The following XPNPEP3 variants were observed in gnomAD, a reference collection of about 807,000 sequenced individuals.
XPNPEP3 encodes xaa-Pro aminopeptidase 3.
Under a neutral mutation model 60.0 loss-of-function variants are expected in XPNPEP3, and 41 were observed. The ratio of observed to expected loss-of-function variants is 0.68; its 90% CI spans 0.53 to 0.89. The LOEUF (loss-of-function observed/expected upper bound fraction) is 0.89, where lower values mean the gene tolerates loss of function less well. Ranked by LOEUF, XPNPEP3 falls within the 40% of genes least tolerant of loss-of-function variation. The pLI is 0.00. For synonymous variants in XPNPEP3, 212 were observed against 223.2 expected (o/e 0.95, Z 0.45); for missense variants, 598 against 638.9 (o/e 0.94, Z 0.69).
chr22:40,882,498 A>G (rs903791490), intron 3 of XPNPEP3, among the ~76,000 whole-genome samples: 5 of 152,130 alleles, frequency 3.3e-5, no homozygotes, highest in Non-Finnish European at 7.4e-5. Context: ...TTAGCCAGGC[A>G]TGGTCGCAGG....
intron 2 of XPNPEP3, among the ~76,000 whole-genome samples, chr22:40,870,800 C>T (rs557326121): frequency 6.6e-6 from 1 of 152,212 alleles, no homozygotes; most frequent in East Asian, 1.9e-4. Context: ...GGGTGGATCA[C>T]CTGAGGCCAG....
At chr22:40,881,050 A>C (rs1262706947) in intron 2 of XPNPEP3, among the ~76,000 whole-genome samples, 1 of 151,868 alleles carries the variant, frequency 6.6e-6, no homozygotes, top group Non-Finnish European at 1.5e-5. Context: ...TATATACTTT[A>C]TTATTATTAT....
intron 2 of XPNPEP3, among the ~76,000 whole-genome samples, chr22:40,878,330 T>C (rs1181503948): frequency 1.3e-5 from 2 of 152,130 alleles, no homozygotes; most frequent in Non-Finnish European, 2.9e-5. Flanking sequence ...TGGGAAAATA[T>C]AGCCAGTGTT....
intron 5 of XPNPEP3, among the ~76,000 whole-genome samples, chr22:40,908,262 G>T (rs538019758): frequency 6.6e-6 from 1 of 151,622 alleles, no homozygotes; most frequent in East Asian, 1.9e-4. Context: ...GCACATGCCT[G>T]TAATTCCATT....
rs761542482 is a variant in XPNPEP3, at chr22:40,922,721, TACACAC to T, written c.1236+228_1236+233del. Among the ~76,000 whole-genome samples, 7 of 145,388 alleles carry T rather than the reference TACACAC, an allele frequency of 4.8e-5. No individual in the cohort carries two copies. In the East Asian group the frequency reaches 5.9e-4, roughly 12 times the overall value. ...ACCCATCTATATACATGTAGATATA[TACACAC>T]ACACACACACACACACACATATATA... is the stretch of plus-strand genomic sequence containing the variant. On this transcript the variant is annotated intron_variant, in intron 8 of 9. Coordinates refer to ENST00000357137, the MANE Select transcript of XPNPEP3 (RefSeq NM_022098.4).
At chr22:40,883,281 G>T (rs1251992570) in intron 3 of XPNPEP3, among the ~76,000 whole-genome samples, 1 of 152,096 alleles carries the variant, frequency 6.6e-6, no homozygotes, top group African/African-American at 2.4e-5. Flanking sequence ...TAAAATCTCA[G>T]GCCTCCATCC....
At chr22:40,911,654 C>T (rs1325635965) in intron 6 of XPNPEP3, among the ~76,000 whole-genome samples, 2 of 151,980 alleles carry the variant, frequency 1.3e-5, no homozygotes. Context: ...AGCGATTCTC[C>T]TTCCTCAGCC....
chr22:40,861,048 A>G (rs753763743), intron 1 of XPNPEP3: 2 of 1,559,490 alleles, frequency 1.3e-6, no homozygotes, highest in South Asian at 1.2e-5. Context: ...CAAATGTTAT[A>G]TATTTGAAGA....
chr22:40,881,476 T>G (rs1269853642), intron 2 of XPNPEP3, among the ~76,000 whole-genome samples: 1 of 150,826 alleles, frequency 6.6e-6, no homozygotes, highest in Non-Finnish European at 1.5e-5. Context: ...AAAAAAATTA[T>G]ATTCAATGAA....
intron 3 of XPNPEP3, among the ~76,000 whole-genome samples, chr22:40,884,222 T>C (rs922346802): frequency 9.9e-5 from 15 of 152,242 alleles, no homozygotes; most frequent in African/African-American, 3.6e-4. Flanking sequence ...TCTAGCTTTT[T>C]TCTTACATTA....
chr22:40,892,606 G>A (rs1339614401), intron 4 of XPNPEP3, among the ~76,000 whole-genome samples: 1 of 152,164 alleles, frequency 6.6e-6, no homozygotes, highest in African/African-American at 2.4e-5. Flanking sequence ...AACATGACAT[G>A]TTGTCGCCAT....
chr22:40,919,546 G>T (rs942273698), intron 7 of XPNPEP3, among the ~76,000 whole-genome samples: 1 of 152,064 alleles, frequency 6.6e-6, no homozygotes, highest in Non-Finnish European at 1.5e-5. Context: ...TTGTTTTTTT[G>T]TAGAGACACG....
intron 5 of XPNPEP3, 36 bp from the exon 6 acceptor site, chr22:40,909,086 A>G: frequency 6.3e-7 from 1 of 1,596,700 alleles, no homozygotes; most frequent in Non-Finnish European, 8.6e-7. Flanking sequence ...AGCCCTACAG[A>G]AACCCTTTGT....
At chr22:40,861,777 A>T (rs781361071) in intron 1 of XPNPEP3, 2 of 1,613,588 alleles carry the variant, frequency 1.2e-6, no homozygotes, top group Non-Finnish European at 1.7e-6. Context: ...ACCTCCGTTT[A>T]ATCCTTCTGT....
chr22:40,886,830 A>G (rs2058071227), intron 4 of XPNPEP3, among the ~76,000 whole-genome samples: 1 of 151,310 alleles, frequency 6.6e-6, no homozygotes, highest in Admixed American at 6.6e-5. Context: ...CCATCTCAAA[A>G]AAAAAAAAAA....
At chr22:40,901,052 C>G (rs997814210) in intron 4 of XPNPEP3, among the ~76,000 whole-genome samples, 6 of 146,794 alleles carry the variant, frequency 4.1e-5, no homozygotes, top group Admixed American at 2.7e-4. Context: ...CTCAGGAGTT[C>G]AAGAGCAGCC....
In XPNPEP3 at chr22:40,929,287, G is replaced by A. The variant is rs931955178; in HGVS notation, c.*2852G>A. Reference sequence around the variant, plus strand: ...GCTCCCTGCAACCTCCATCTCCCAGGTTCAAGCGATTCTCCTGCCTCAGCC... The same window carrying A: ...GCTCCCTGCAACCTCCATCTCCCAGATTCAAGCGATTCTCCTGCCTCAGCC... On this transcript the variant is annotated 3_prime_UTR_variant, in exon 10 of 10. Transcript: ENST00000357137. The A allele has an allele frequency of 4.0e-5, 6 of 151,354 alleles. No homozygotes were observed. The highest frequency in any genetic ancestry group is 1.2e-4 in the African/African-American group (5 of 41,078). 9.4% of individuals were successfully genotyped at this position (151,354 alleles called of 1,614,324 possible).
chr22:40,915,394 G>A lies in XPNPEP3; in HGVS notation c.1055+1070G>A, dbSNP rs375768184. Among the ~76,000 whole-genome samples, 36 of 151,850 alleles carry A rather than the reference G, an allele frequency of 2.4e-4. No homozygotes were observed. In the South Asian group the frequency reaches 7.1e-3, roughly 30 times the overall value. The stretch of plus-strand genomic sequence containing the variant: ...GTTCAGGACCAGCCTGACCAAAATG[G>A]TGAAACCCTGTCTCTACTAAAAATA... On this transcript the variant is annotated intron_variant, in intron 7 of 9. Coordinates refer to ENST00000357137, the MANE Select transcript of XPNPEP3 (RefSeq NM_022098.4).
At chr22:40,921,292 A>C (rs2058215660) in intron 7 of XPNPEP3, among the ~76,000 whole-genome samples, 1 of 152,130 alleles carries the variant, frequency 6.6e-6, no homozygotes, top group African/African-American at 2.4e-5. Context: ...TCTGCTGGCA[A>C]CGAAGACTCA....
Sources: gnomAD v4.1 joint callset for allele counts (sites outside exome capture counted in the v4.1 genomes callset) on GRCh38, gnomAD v4.1.1 for gene constraint, MANE v1.5 for transcripts, NCBI Gene and HGNC (gene_info 2026-07-23, HGNC 2026-07-21) for gene names.